The following CES5A variants were observed in gnomAD, a reference collection of about 807,000 sequenced individuals.
The protein encoded by CES5A is carboxylesterase 5A.
In CES5A, 67 loss-of-function variants were observed where a neutral mutation model predicts 62.9. That is an observed-to-expected ratio of 1.07 (90% CI 0.88 to 1.31). The LOEUF (loss-of-function observed/expected upper bound fraction) is 1.31, where lower values mean the gene tolerates loss of function less well. CES5A is among the 50% of genes most tolerant of loss of function. The pLI, the probability that CES5A is intolerant of heterozygous loss-of-function variation, is 0.00. For synonymous variants in CES5A, 296 were observed against 280.8 expected, an observed-to-expected ratio of 1.05 and a Z score of -0.54; for missense variants, 748 against 708.5, an observed-to-expected ratio of 1.06 and a Z score of -0.63.
chr16:55,936,732 G>C (rs1174738407), intron 2 of CES5A, among the ~76,000 whole-genome samples: 2 of 152,166 alleles, frequency 1.3e-5, no homozygotes, highest in African/African-American at 4.8e-5. Context: ...AGCCAAAATA[G>C]TTTTTATTTT....
chr16:55,908,868 A>G (rs1217707104), intron 1 of CES5A, among the ~76,000 whole-genome samples: 1 of 152,202 alleles, frequency 6.6e-6, no homozygotes, highest in Non-Finnish European at 1.5e-5. Flanking sequence ...GGACATGGTC[A>G]CTTAGTACCA....
intron 1 of CES5A, among the ~76,000 whole-genome samples, chr16:55,911,889 C>T (rs1271792119): frequency 6.6e-6 from 1 of 152,180 alleles, no homozygotes; most frequent in Non-Finnish European, 1.5e-5. Context: ...CAGACCAGTG[C>T]CTATGGGGCT....
chr16:55,948,556 G>A (rs2034521602), intron 2 of CES5A, among the ~76,000 whole-genome samples: 1 of 152,064 alleles, frequency 6.6e-6, no homozygotes. Flanking sequence ...GGCCCCCTGG[G>A]GAAATTTGTG....
At chr16:55,873,795 G>A (rs1211638484) in intron 2 of CES5A, 38 bp downstream of exon 2, 2 of 1,568,966 alleles carry the variant, frequency 1.3e-6, no homozygotes, top group African/African-American at 2.7e-5. Flanking sequence ...GCCACTCCCA[G>A]AGTCACAAAC....
intron 1 of CES5A, among the ~76,000 whole-genome samples, chr16:55,905,765 A>G (rs1412528068): frequency 3.9e-5 from 6 of 152,214 alleles, no homozygotes; most frequent in Admixed American, 2.6e-4. Flanking sequence ...AAGCACACAG[A>G]TAAAGTTGGG....
upstream of CES5A, among the ~76,000 whole-genome samples, chr16:55,876,638 A>ATGTGTGCT: frequency 6.6e-6 from 1 of 152,282 alleles, no homozygotes; most frequent in Non-Finnish European, 1.5e-5. Context: ...TAAGGATGAA[A>ATGTGTGCT]AGTGTGCTAA....
In CES5A at chr16:55,869,435, C is replaced by A. The variant is rs552329560; in HGVS notation, c.551+176G>T. The A allele has an allele frequency of 3.7e-3, 4,441 of 1,210,362 alleles. 10 individuals are homozygous for A. Among genetic ancestry groups the A allele is most frequent in the Non-Finnish European group, 4.4e-3 (4,069 of 923,672 alleles). The allele number at this position is 1,210,362 out of a possible 1,614,324, so 75.0% of individuals were successfully genotyped here. Reference sequence around the variant, plus strand: ...AGAAAGAGATTTTTATTGTTTCAAGCCACCAACATTTTGGGATTTATCTGC... The same window carrying A: ...AGAAAGAGATTTTTATTGTTTCAAGACACCAACATTTTGGGATTTATCTGC... On this transcript the variant is annotated intron_variant, in intron 4 of 12. Coordinates refer to ENST00000290567, the MANE Select transcript of CES5A (RefSeq NM_001143685.2).
chr16:55,949,874 C>A, exon 2 of CES5A: 1 of 1,518,794 alleles, frequency 6.6e-7, no homozygotes, highest in Non-Finnish European at 8.8e-7. Flanking sequence ...CAGGCACAAT[C>A]TCCACATTCC....
intron 1 of CES5A, among the ~76,000 whole-genome samples, chr16:55,912,713 G>C (rs759973551): frequency 6.6e-6 from 1 of 152,140 alleles, no homozygotes; most frequent in Non-Finnish European, 1.5e-5. Flanking sequence ...CTCTACTTTG[G>C]CTATATTCTT....
At chr16:55,902,033 C>T (rs1449765744) in intron 1 of CES5A, among the ~76,000 whole-genome samples, 2 of 152,106 alleles carry the variant, frequency 1.3e-5, no homozygotes, top group African/African-American at 4.8e-5. Flanking sequence ...CAAACTAAAT[C>T]CTTCCTCTTT....
At chr16:55,922,372 C>T (rs184603604) in intron 1 of CES5A, among the ~76,000 whole-genome samples, 11 of 151,588 alleles carry the variant, frequency 7.3e-5, no homozygotes, top group Admixed American at 5.9e-4. Context: ...CAAACAGAAA[C>T]CAAAAAGGAG....
Position 55,846,699 on chromosome 16 carries a change from A to T in CES5A, c.1497-17T>A. 8 of 1,613,722 alleles carry T rather than the reference A, an allele frequency of 5.0e-6. No homozygotes were observed. Among genetic ancestry groups the T allele is most frequent in the Non-Finnish European group, 6.8e-6 (8 of 1,179,672 alleles). Reference sequence around the variant, plus strand: ...TTAGGATTCCTAGAAGGGAGAGCAGAAACAGGGGTGAGATTTTCCTCCTCA... The same window carrying T: ...TTAGGATTCCTAGAAGGGAGAGCAGTAACAGGGGTGAGATTTTCCTCCTCA... On this transcript the variant is annotated splice_polypyrimidine_tract_variant and intron_variant, in intron 12 of 12. Coordinates refer to ENST00000290567, the MANE Select transcript of CES5A (RefSeq NM_001143685.2).
chr16:55,852,749 G>C (rs2033156988), intron 10 of CES5A, 132 bp downstream of exon 10: 1 of 981,904 alleles, frequency 1.0e-6, no homozygotes, highest in Non-Finnish European at 1.5e-6. Flanking sequence ...TTTCCATCCA[G>C]GCACACCTGG....
rs144650420 is a variant in CES5A at position 55,952,638 on chromosome 16, T to A, written c.43-2736A>T. Among the ~76,000 whole-genome samples, 540 of 152,022 alleles carry A rather than the reference T, an allele frequency of 3.6e-3. 4 individuals carry two copies. The highest frequency in any genetic ancestry group is 0.012 in the African/African-American group (494 of 41,494). ...ATTAAAGAGAATTTAGACCAAAACA[T>A]TTCAAAATCTAATGAATGAATAATT... On this transcript the variant is annotated intron_variant, in intron 1 of 13. Transcript: ENST00000521992.
chr16:55,880,046 T>C (rs1159844012), upstream of CES5A, among the ~76,000 whole-genome samples: 2 of 152,246 alleles, frequency 1.3e-5, no homozygotes, highest in African/African-American at 4.8e-5. Context: ...TACAATACCC[T>C]GCCCTTGTTC....
At chr16:55,933,584 C>T (rs2034336170) in intron 2 of CES5A, among the ~76,000 whole-genome samples, 1 of 152,104 alleles carries the variant, frequency 6.6e-6, no homozygotes, top group Admixed American at 6.6e-5. Flanking sequence ...GCCTTAGAGT[C>T]TTACCTGAAT....
At chr16:55,938,797 TACAC>T (rs1205048784) in intron 2 of CES5A, among the ~76,000 whole-genome samples, 1 of 51,098 alleles carries the variant, frequency 2.0e-5, no homozygotes, top group Admixed American at 2.2e-4. Context: ...TATATATATA[TACAC>T]ACATATATAT....
upstream of CES5A, among the ~76,000 whole-genome samples, chr16:55,927,006 T>C (rs1161744950): frequency 6.6e-6 from 1 of 152,192 alleles, no homozygotes; most frequent in East Asian, 1.9e-4. Context: ...TTATTTAAAA[T>C]TTCCATTGAT....
At chr16:55,869,368 T>C in intron 4 of CES5A, 1 of 524,624 alleles carries the variant, frequency 1.9e-6, no homozygotes, top group South Asian at 4.1e-5. Flanking sequence ...TGAGGAAGAA[T>C]GTCTGCCGAT....
Sources: gnomAD v4.1 joint callset for allele counts (sites outside exome capture counted in the v4.1 genomes callset) on GRCh38, gnomAD v4.1.1 for gene constraint, MANE v1.5 for transcripts, NCBI Gene and HGNC (gene_info 2026-07-23, HGNC 2026-07-21) for gene names.